The following CEP70 variants were observed in gnomAD, a reference collection of about 807,000 sequenced individuals.
CEP70 encodes centrosomal protein of 70 kDa.
In CEP70, 70 loss-of-function variants were observed where a neutral mutation model predicts 90.9. That is an observed-to-expected ratio of 0.77 (90% confidence interval 0.64 to 0.94). The LOEUF is 0.94. Ranked by LOEUF, CEP70 falls within the 40% of genes least tolerant of loss-of-function variation. CEP70 has a pLI of 0.00. For synonymous variants in CEP70, 220 were observed against 228.3 expected (o/e 0.96, Z 0.33); for missense variants, 648 against 669.0 (o/e 0.97, Z 0.35).
intron 3 of CEP70, among the ~76,000 whole-genome samples, chr3:138,572,501 T>C (rs184558215): frequency 0.01 from 1,596 of 152,342 alleles, 15 homozygotes; most frequent in Non-Finnish European, 0.016. Context: ...ATATTTTGAA[T>C]GATTAACTTA....
chr3:138,565,480 C>T (rs1439735478), intron 6 of CEP70, among the ~76,000 whole-genome samples: 1 of 152,066 alleles, frequency 6.6e-6, no homozygotes, highest in African/African-American at 2.4e-5. Flanking sequence ...GGTAAGGGTA[C>T]CAAAACAGAT....
Position 138,549,210 on chromosome 3 carries a change from C to T in CEP70, c.466-11863G>A, listed in dbSNP as rs539968871. On this transcript the variant is annotated intron_variant, in intron 6 of 17. Transcript: ENST00000264982. ...GGACGTGAAGCTTTCTGGCCGAACT[C>T]GGGGAAGGGCATGAATCTAGTGTGC... is the stretch of plus-strand genomic sequence containing the variant. Among the ~76,000 whole-genome samples the T allele has an allele frequency of 2.0e-5, 3 of 149,518 alleles. No homozygotes were observed. In the South Asian group the frequency reaches 6.4e-4, roughly 32 times the overall value.
At chr3:138,544,766 A>G in intron 6 of CEP70, among the ~76,000 whole-genome samples, 1 of 152,192 alleles carries the variant, frequency 6.6e-6, no homozygotes, top group East Asian at 1.9e-4. Context: ...AGCTACATGG[A>G]TGAAAATGGA....
At chr3:138,512,621 T>C (rs1576572794) in intron 11 of CEP70, among the ~76,000 whole-genome samples, 1 of 152,164 alleles carries the variant, frequency 6.6e-6, no homozygotes, top group East Asian at 1.9e-4. Context: ...TTCCATGTAT[T>C]CAACAGCAGC....
chr3:138,505,315 C>A lies in CEP70; in HGVS notation c.1201G>T (p.Asp401Tyr). The change falls in exon 13 of 18, where the codon GAT becomes TAT. Residue 401 changes from aspartate to tyrosine, a missense_variant. Asp to Tyr is a radical substitution (Grantham distance 160, BLOSUM62 -3). Coordinates refer to ENST00000264982, the MANE Select transcript of CEP70 (RefSeq NM_024491.4). ...CTTACCTTTAAGGATGTCAGTTGATCTGCCCACATTTCTATTACAGGAACA... is the reference window on the plus strand; with the variant it reads ...CTTACCTTTAAGGATGTCAGTTGATATGCCCACATTTCTATTACAGGAACA... ...HLVPVIEMWA[D>Y]QLTSLKDLYK... is the part of the protein sequence containing the mutation. The A allele has an allele frequency of 6.2e-7, 1 of 1,609,624 alleles. No homozygotes were observed. Among genetic ancestry groups the A allele is most frequent in the Non-Finnish European group, 8.5e-7 (1 of 1,178,192 alleles).
intron 2 of CEP70, among the ~76,000 whole-genome samples, chr3:138,589,549 T>C (rs1442639008): frequency 6.6e-6 from 1 of 151,450 alleles, no homozygotes; most frequent in Non-Finnish European, 1.5e-5. Context: ...TCCTAGCTAC[T>C]CAGGAGGCTG....
At chr3:138,537,680 A>G (rs1000007382) in intron 6 of CEP70, among the ~76,000 whole-genome samples, 1 of 152,182 alleles carries the variant, frequency 6.6e-6, no homozygotes, top group African/African-American at 2.4e-5. Context: ...AATAATCAGG[A>G]AAGAATCAAT....
chr3:138,525,836 G>C (rs2108817699), intron 10 of CEP70, among the ~76,000 whole-genome samples: 1 of 152,242 alleles, frequency 6.6e-6, no homozygotes, highest in African/African-American at 2.4e-5. Context: ...GACAAAAACA[G>C]AGAACATTAT....
intron 11 of CEP70, among the ~76,000 whole-genome samples, chr3:138,510,031 T>C (rs1394356597): frequency 6.6e-6 from 1 of 152,016 alleles, no homozygotes; most frequent in Non-Finnish European, 1.5e-5. Context: ...AGAAAAAAAG[T>C]GTATGCTGAG....
chr3:138,580,075 A>G (rs1560456151), intron 2 of CEP70, among the ~76,000 whole-genome samples: 1 of 151,366 alleles, frequency 6.6e-6, no homozygotes. Context: ...CCCTGGCAGT[A>G]CTCCCCATGG....
intron 11 of CEP70, among the ~76,000 whole-genome samples, chr3:138,523,335 C>T (rs551054553): frequency 2.6e-5 from 4 of 152,314 alleles, no homozygotes; most frequent in East Asian, 3.9e-4. Context: ...TGCCCTCTCT[C>T]ACCACTCCTA....
intron 6 of CEP70, among the ~76,000 whole-genome samples, chr3:138,544,541 G>GTC (rs2039038409): frequency 9.1e-6 from 1 of 110,146 alleles, no homozygotes; most frequent in South Asian, 2.7e-4. Context: ...GTATGTATGT[G>GTC]TGTGTGTGTG....
intron 6 of CEP70, among the ~76,000 whole-genome samples, chr3:138,567,287 C>T (rs1449436637): frequency 2.0e-5 from 3 of 152,116 alleles, no homozygotes; most frequent in Non-Finnish European, 2.9e-5. Context: ...AAATTGGAAA[C>T]AACTGTATAC....
At chr3:138,576,516 C>A (rs944909279) in intron 2 of CEP70, among the ~76,000 whole-genome samples, 3 of 152,102 alleles carry the variant, frequency 2.0e-5, no homozygotes, top group African/African-American at 4.8e-5. Context: ...GACTTTAACA[C>A]CCTACTGTCA....
chr3:138,574,459 C>T (rs2041380972), intron 2 of CEP70, among the ~76,000 whole-genome samples: 1 of 152,164 alleles, frequency 6.6e-6, no homozygotes, highest in Non-Finnish European at 1.5e-5. Context: ...TGGGTAGAGC[C>T]CACCGCAGCT....
At chr3:138,552,308 A>G (rs1050230747) in intron 6 of CEP70, among the ~76,000 whole-genome samples, 2 of 152,158 alleles carry the variant, frequency 1.3e-5, no homozygotes, top group Non-Finnish European at 2.9e-5. Flanking sequence ...TTTAAACTAT[A>G]CCCCGGAACA....
chr3:138,579,945 G>C (rs1440950069), intron 2 of CEP70, among the ~76,000 whole-genome samples: 4 of 152,036 alleles, frequency 2.6e-5, no homozygotes, highest in African/African-American at 9.7e-5. Context: ...TTGGCTCTTA[G>C]CTTCTCTGGA....
At chr3:138,515,107 T>C (rs576641817) in intron 11 of CEP70, among the ~76,000 whole-genome samples, 48 of 152,270 alleles carry the variant, frequency 3.2e-4, no homozygotes, top group Middle Eastern at 3.4e-3. Flanking sequence ...ATGGTAGTTA[T>C]GTTCTATAAA....
intron 15 of CEP70, 71 bp from the exon 16 acceptor site, chr3:138,500,295 T>C (rs944458777): frequency 5.3e-6 from 8 of 1,501,026 alleles, no homozygotes; most frequent in African/African-American, 4.2e-5. Context: ...CATTTTATGC[T>C]TCAGTTATCC....
Sources: gnomAD v4.1 joint callset for allele counts (sites outside exome capture counted in the v4.1 genomes callset) on GRCh38, gnomAD v4.1.1 for gene constraint, MANE v1.5 for transcripts, NCBI Gene and HGNC (gene_info 2026-07-23, HGNC 2026-07-21) for gene names.